Variants in ALOX12 observed in about 807,000 individuals in gnomAD.
The protein encoded by ALOX12 is arachidonate 12-lipoxygenase, 12S type, also known as polyunsaturated fatty acid lipoxygenase ALOX12.
ALOX12 carries 62 observed loss-of-function variants against 85.5 expected under a neutral mutation model. The ratio of observed to expected loss-of-function variants is 0.73; its 90% CI spans 0.59 to 0.90. ALOX12 has a LOEUF of 0.90. Among genes scored for constraint, ALOX12 ranks in the 40% least tolerant of loss-of-function variants. The pLI is 0.00. For missense variants in ALOX12, 751 were observed against 856.5 expected (o/e 0.88, Z 1.54); for synonymous variants, 299 against 332.7 (o/e 0.90, Z 1.10).
In ALOX12 at chr17:6,998,682, C is replaced by T. The variant is rs975224550; in HGVS notation, c.420-33C>T. The T allele has an allele frequency of 1.9e-6, 3 of 1,563,558 alleles. No homozygotes were observed. The African/African-American group carries it at 4.1e-5, about 21-fold the overall frequency. ...CCCCTGGCCCCATCACTGACCATGACATCCTTCCTGAAGCTTTGTCCCCAA... is the reference window on the plus strand; with the variant it reads ...CCCCTGGCCCCATCACTGACCATGATATCCTTCCTGAAGCTTTGTCCCCAA... On this transcript the variant is annotated intron_variant, in intron 3 of 13. Coordinates refer to ENST00000251535, the MANE Select transcript of ALOX12 (RefSeq NM_000697.3).
In ALOX12 at chr17:7,009,754, T is replaced by A; in HGVS notation, c.1548T>A (p.Pro516=). Residue 516 remains proline (P), a synonymous_variant, in exon 12 of 14, where the codon CCT becomes CCA. Coordinates refer to ENST00000251535, the MANE Select transcript of ALOX12 (RefSeq NM_000697.3). ...GLCQAQDRGF[P]VSFQSQSQLC... ...TATTCCTTTCCTGCCCAGGTTTCCC[T>A]GTCTCCTTCCAGTCCCAGAGTCAAC... is the stretch of plus-strand genomic sequence containing the variant. 6.2e-7 allele frequency: 1 copy of A among 1,614,128 alleles called. No homozygotes were observed. Among genetic ancestry groups the A allele is most frequent in the Non-Finnish European group, 8.5e-7 (1 of 1,179,934 alleles).
chr17:7,000,386 C>T lies in ALOX12; in HGVS notation c.858C>T (p.Ala286=), dbSNP rs1449854033. 1.9e-6 allele frequency: 3 copies of T among 1,614,044 alleles called. No individual in the cohort carries two copies. The highest frequency in any genetic ancestry group is 2.5e-6 in the Non-Finnish European group (3 of 1,180,024). ...TCATCCTTCTGGATGGAATTCCAGC[C>T]AACGTGATCCGAGGAGAGAAGCAAT... is the stretch of plus-strand genomic sequence containing the variant. The part of the protein sequence containing the change: ...ADFILLDGIP[A]NVIRGEKQYL... The change falls in exon 7 of 14, where the codon GCC becomes GCT. Residue 286 remains alanine, a synonymous_variant. Coordinates refer to ENST00000251535, the MANE Select transcript of ALOX12 (RefSeq NM_000697.3). This position sits in a 1 kb window ranked among gnomAD's most constrained non-coding sequence, Gnocchi z 4.6.
chr17:7,005,430 G>T, intron 9 of ALOX12, 87 bp downstream of exon 9: 5 of 973,028 alleles, frequency 5.1e-6, no homozygotes, highest in Non-Finnish European at 6.5e-6. Context: ...ATGTGTGAAT[G>T]TCCTCACTCT....
intron 2 of ALOX12, chr17:6,997,267 TC>T: frequency 8.5e-6 from 4 of 469,204 alleles, no homozygotes; most frequent in Non-Finnish European, 1.1e-5. Flanking sequence ...GATCTGGAGA[TC>T]CCATCTTCCA....
In ALOX12 at chr17:7,010,033, G is replaced by C; in HGVS notation, c.1719G>C (p.Thr573=). ...CACCCACCACCAAGGAAGATGTGACGATGGCCACAGTGATGGGGTCACTAC... is the reference window on the plus strand; with the variant it reads ...CACCCACCACCAAGGAAGATGTGACCATGGCCACAGTGATGGGGTCACTAC... ...MPPPTTKEDV[T]MATVMGSLPD... is the part of the protein sequence containing the mutation. Residue 573 remains threonine (T), a synonymous_variant, in exon 13 of 14, where the codon ACG becomes ACC. Transcript: ENST00000251535. 6.2e-7 allele frequency: 1 copy of C among 1,614,200 alleles called. No individual in the cohort carries two copies. The highest frequency in any genetic ancestry group is 8.5e-7 in the Non-Finnish European group (1 of 1,180,030).
At chr17:6,996,712 T>C in intron 1 of ALOX12, 114 bp from the exon 2 acceptor site, 2 of 1,301,388 alleles carry the variant, frequency 1.5e-6, no homozygotes, top group Non-Finnish European at 2.1e-6. Context: ...AACGAGGCGA[T>C]GCTGTCTTTG....
intron 2 of ALOX12, among the ~76,000 whole-genome samples, chr17:6,997,750 T>C (rs1209584281): frequency 7.3e-5 from 11 of 151,654 alleles, no homozygotes; most frequent in South Asian, 2.1e-4. Flanking sequence ...TTAGTAGAGA[T>C]GGAGTTTCAC....
chr17:6,996,695 G>C (rs1908455197), intron 1 of ALOX12, 131 bp from the exon 2 acceptor site: 1 of 1,147,784 alleles, frequency 8.7e-7, no homozygotes, highest in East Asian at 2.6e-5. Context: ...GGTTGTGCGG[G>C]GGCGGGAACG....
intron 2 of ALOX12, among the ~76,000 whole-genome samples, chr17:6,997,310 C>A (rs72832799): frequency 6.6e-6 from 1 of 151,686 alleles, no homozygotes; most frequent in Non-Finnish European, 1.5e-5. Context: ...GGAGTTGCAG[C>A]GATCCAGGAA....
At chr17:7,007,543 G>C (rs546238237) in intron 11 of ALOX12, among the ~76,000 whole-genome samples, 23 of 152,286 alleles carry the variant, frequency 1.5e-4, no homozygotes, top group Middle Eastern at 3.4e-3. Flanking sequence ...ACTCTCTCTA[G>C]TTCTTCTCAG....
chr17:6,996,974 C>A lies in ALOX12; in HGVS notation c.284C>A (p.Pro95Gln), dbSNP rs755332420. The A allele has an allele frequency of 1.9e-6, 3 of 1,579,336 alleles. No individual in the cohort carries two copies. Among genetic ancestry groups the A allele is most frequent in the Non-Finnish European group, 2.6e-6 (3 of 1,162,524 alleles). Residue 95 changes from proline to glutamine, a missense_variant, in exon 2 of 14, where the codon CCG (proline) becomes CAG (glutamine). By Grantham distance (76) the Pro-to-Gln change is moderately conservative (BLOSUM62 -1). Coordinates refer to ENST00000251535, the MANE Select transcript of ALOX12 (RefSeq NM_000697.3). ...GGAGCCTGCGCGGAGGTGGCCTTCC[C>A]GTGCTACCGCTGGGTGCAGGGCGAG... The part of the protein sequence containing the change: ...GPGACAEVAF[P>Q]CYRWVQGEDI...
intron 10 of ALOX12, 101 bp downstream of exon 10, chr17:7,006,128 C>G: frequency 1.0e-6 from 1 of 957,746 alleles, no homozygotes; most frequent in Admixed American, 2.6e-5. Flanking sequence ...AAAGGAGAAG[C>G]AGAGAACTCA....
intron 1 of ALOX12, among the ~76,000 whole-genome samples, chr17:6,996,532 G>A (rs1245557321): frequency 7.3e-5 from 11 of 151,620 alleles, no homozygotes; most frequent in Non-Finnish European, 1.6e-4. Flanking sequence ...GTAAGTATGA[G>A]GCCAGAGGTC....
At chr17:7,004,126 T>TAAATAA (rs1908872979) in intron 8 of ALOX12, among the ~76,000 whole-genome samples, 1 of 141,316 alleles carries the variant, frequency 7.1e-6, no homozygotes, top group African/African-American at 2.5e-5. Flanking sequence ...TAATTTTAAT[T>TAAATAA]TTAAATAAAT....
intron 8 of ALOX12, chr17:7,002,495 G>T: frequency 2.1e-6 from 1 of 469,092 alleles, no homozygotes; most frequent in Non-Finnish European, 4.4e-6. Flanking sequence ...TAGAAATACT[G>T]TGGTTTTAAG....
chr17:7,005,794 A>G, intron 9 of ALOX12, 64 bp from the exon 10 acceptor site: 1 of 1,548,122 alleles, frequency 6.5e-7, no homozygotes, highest in South Asian at 1.2e-5. Flanking sequence ...GCCCCACTTT[A>G]TGGAAGATGT....
At position 6,999,482 on chromosome 17, in the gene ALOX12, C is replaced by A. The variant is rs950304061; in HGVS notation, c.807+16C>A. 1 of 1,612,822 alleles carries A rather than the reference C, an allele frequency of 6.2e-7. No individual in the cohort carries two copies. Among genetic ancestry groups the A allele is most frequent in the African/African-American group, 1.3e-5 (1 of 75,034 alleles). On this transcript the variant is annotated intron_variant, in intron 6 of 13. Coordinates refer to ENST00000251535, the MANE Select transcript of ALOX12 (RefSeq NM_000697.3). ...AGAACTTCAGGTACCTCTCCTTCCC[C>A]TGCCTGGCACTGTTCTCTCCTTAGT...
At chr17:7,009,470 A>T in intron 11 of ALOX12, 1 of 385,392 alleles carries the variant, frequency 2.6e-6, no homozygotes, top group Non-Finnish European at 4.8e-6. Flanking sequence ...TTGAGCATTT[A>T]TTACAGACCA....
chr17:7,007,045 A>T (rs1171576917), intron 11 of ALOX12, among the ~76,000 whole-genome samples: 2 of 152,072 alleles, frequency 1.3e-5, no homozygotes, highest in East Asian at 3.9e-4. Context: ...CCTGCCTGCC[A>T]CTGTGCAGCA....
Sources: allele counts gnomAD v4.1 joint callset (sites outside exome capture counted in the v4.1 genomes callset), GRCh38; gene constraint gnomAD v4.1.1; non-coding constraint Gnocchi (gnomAD v3.1); transcripts MANE v1.5; gene names NCBI Gene and HGNC (gene_info 2026-07-23, HGNC 2026-07-21).